Variants in ZNF638 observed in about 807,000 individuals in gnomAD.
ZNF638 encodes CTCL tumor antigen se33-1.
A neutral mutation model predicts 195.6 loss-of-function variants in ZNF638; 46 were observed. The observed-to-expected ratio is 0.24, with a 90% CI of 0.19 to 0.30. The LOEUF (loss-of-function observed/expected upper bound fraction) is 0.30. ZNF638 is among the 10% of genes least tolerant of loss of function. The probability of loss-of-function intolerance (pLI) is 1.00; values close to 1 mark genes in which losing one functional copy is unlikely to be tolerated. For missense variants in ZNF638, 2,440 were observed against 2,325.3 expected (o/e 1.05, Z -1.01); for synonymous variants, 845 against 772.0 (o/e 1.09, Z -1.57).
At chr2:71,377,562 T>C (rs1275904464) in intron 8 of ZNF638, among the ~76,000 whole-genome samples, 3 of 152,238 alleles carry the variant, frequency 2.0e-5, no homozygotes, top group African/African-American at 7.2e-5. Flanking sequence ...AGGTTTTCAT[T>C]TTAATTCTGA....
rs1281086469 is a variant in ZNF638 at position 71,333,283 on chromosome 2, A to G, written c.-203+1408A>G. On this transcript the variant is annotated intron_variant, in intron 1 of 27. Coordinates refer to ENST00000264447, the MANE Select transcript of ZNF638 (RefSeq NM_014497.5). Reference sequence around the variant, plus strand: ...TAATTACAGGGCGTCCCAGCATGTTATACATTAAAATATGCTGGGCCATTC... The same window carrying G: ...TAATTACAGGGCGTCCCAGCATGTTGTACATTAAAATATGCTGGGCCATTC... 2.6e-5 allele frequency among the ~76,000 whole-genome samples: 4 copies of G among 152,214 alleles called. No individual in the cohort carries two copies. The South Asian group carries it at 8.3e-4, about 31-fold the overall frequency.
At chr2:71,343,377 A>G (rs1427785141) in intron 1 of ZNF638, among the ~76,000 whole-genome samples, 1 of 152,200 alleles carries the variant, frequency 6.6e-6, no homozygotes, top group Non-Finnish European at 1.5e-5. Flanking sequence ...AGGGTCTGTT[A>G]GGATGTATCT....
At chr2:71,368,980 C>T (rs2079255596) in intron 7 of ZNF638, among the ~76,000 whole-genome samples, 3 of 152,230 alleles carry the variant, frequency 2.0e-5, no homozygotes, top group African/African-American at 7.2e-5. Context: ...GGTTATATTC[C>T]TATAACTCAC....
At chr2:71,388,453 T>G (rs2079694139) in intron 10 of ZNF638, 6 of 687,606 alleles carry the variant, frequency 8.7e-6, no homozygotes, top group Non-Finnish European at 1.3e-5. Context: ...ACCCACAGAT[T>G]GTGTTGGCTC....
At chr2:71,419,788 T>A (rs1054183652) in intron 21 of ZNF638, among the ~76,000 whole-genome samples, 1 of 152,158 alleles carries the variant, frequency 6.6e-6, no homozygotes, top group Non-Finnish European at 1.5e-5. Context: ...TACAAAGATT[T>A]TTTGAGGTCT....
At chr2:71,338,132 C>G (rs2078702816) in intron 1 of ZNF638, among the ~76,000 whole-genome samples, 1 of 152,074 alleles carries the variant, frequency 6.6e-6, no homozygotes, top group African/African-American at 2.4e-5. Flanking sequence ...TGCTTGTTTC[C>G]CCCCACTCCC....
At chr2:71,395,308 C>G (rs2079870716) in intron 10 of ZNF638, 1 of 716,978 alleles carries the variant, frequency 1.4e-6, no homozygotes, top group South Asian at 1.5e-5. Context: ...CTGTGCACAT[C>G]TGTACTCTTC....
Position 71,349,630 on chromosome 2 carries a change from G to A in ZNF638, c.676G>A (p.Val226Ile). The change falls in exon 2 of 28, where the codon GTA (valine) becomes ATA (isoleucine). Residue 226 changes from valine (V) to isoleucine (I), a missense_variant. Val to Ile is a conservative substitution (Grantham distance 29). This residue lies in a region of ZNF638 where 305 missense variants were observed against 283.6 expected (regional missense o/e 1.08). Coordinates refer to ENST00000264447, the MANE Select transcript of ZNF638 (RefSeq NM_014497.5). ...TGGCTACACAGAAGATCCACTTGAAGTACGTATTTATGATCCTGAAATTCC... is the reference window on the plus strand; with the variant it reads ...TGGCTACACAGAAGATCCACTTGAAATACGTATTTATGATCCTGAAATTCC... ...KYGYTEDPLE[V>I]RIYDPEIPTD... 2 of 1,614,242 alleles carry A rather than the reference G, an allele frequency of 1.2e-6. No homozygotes were observed. The highest frequency in any genetic ancestry group is 1.7e-6 in the Non-Finnish European group (2 of 1,180,042).
chr2:71,374,555 A>G (rs77937307), intron 8 of ZNF638, among the ~76,000 whole-genome samples: 1 of 152,200 alleles, frequency 6.6e-6, no homozygotes, highest in Non-Finnish European at 1.5e-5. Flanking sequence ...CTTAAAAAAA[A>G]CTTACTGGAA....
At chr2:71,332,421 G>C (rs2078588534) in intron 1 of ZNF638, among the ~76,000 whole-genome samples, 1 of 152,198 alleles carries the variant, frequency 6.6e-6, no homozygotes, top group Admixed American at 6.5e-5. Flanking sequence ...TTGGGGAGGG[G>C]GTGTCGGGAT....
chr2:71,381,468 T>C (rs960552067), intron 10 of ZNF638, among the ~76,000 whole-genome samples: 2 of 152,048 alleles, frequency 1.3e-5, no homozygotes, highest in Non-Finnish European at 2.9e-5. Flanking sequence ...ATTAAGATTT[T>C]AAATTAGGTA....
intron 1 of ZNF638, among the ~76,000 whole-genome samples, chr2:71,337,324 T>C (rs2078687478): frequency 6.6e-6 from 1 of 152,210 alleles, no homozygotes; most frequent in African/African-American, 2.4e-5. Flanking sequence ...ATTGTGGTCC[T>C]TTATCTCTAA....
At chr2:71,344,607 C>CA (rs2078821052) in intron 1 of ZNF638, among the ~76,000 whole-genome samples, 1 of 152,132 alleles carries the variant, frequency 6.6e-6, no homozygotes, top group Non-Finnish European at 1.5e-5. Context: ...AAAACTTTCT[C>CA]AAAATTTCTT....
Position 71,349,006 on chromosome 2 carries a change from C to T in ZNF638, c.52C>T (p.Arg18Ter), listed in dbSNP as rs774616770. Residue 18 changes from arginine (R) to a stop codon, truncating the protein, a stop_gained, in exon 2 of 28, where the codon CGA becomes TGA. Transcript: ENST00000264447. LOFTEE classifies it high-confidence loss of function. ...AGGAGACTTTCCACTTCAAAGGCCA[C>T]GAGCACCTAACCCTTCTGGGATGAG... is the stretch of plus-strand genomic sequence containing the variant. The part of the protein sequence containing the change: ...PRGDFPLQRP[R>*]APNPSGMRPP... 3.1e-6 allele frequency: 5 copies of T among 1,614,030 alleles called. No homozygotes were observed. The African/African-American group carries it at 5.3e-5, about 17-fold the overall frequency.
At chr2:71,403,436 C>T (rs1374002479) in intron 16 of ZNF638, among the ~76,000 whole-genome samples, 3 of 152,084 alleles carry the variant, frequency 2.0e-5, no homozygotes, top group Admixed American at 6.5e-5. Context: ...TGAAAAATGA[C>T]TTCACAATTG....
chr2:71,394,948 G>T (rs1237682293), intron 10 of ZNF638, among the ~76,000 whole-genome samples: 6 of 152,188 alleles, frequency 3.9e-5, no homozygotes, highest in African/African-American at 1.4e-4. Context: ...CAATTAAACT[G>T]TGACTGGGAG....
chr2:71,429,250 G>A (rs1018696936), intron 25 of ZNF638, among the ~76,000 whole-genome samples: 10 of 152,112 alleles, frequency 6.6e-5, no homozygotes, highest in African/African-American at 2.4e-4. Flanking sequence ...CATTCTCTTT[G>A]TAGCACCCTC....
At chr2:71,393,347 T>A (rs1258668841) in intron 10 of ZNF638, 1 of 709,670 alleles carries the variant, frequency 1.4e-6, no homozygotes, top group Non-Finnish European at 2.6e-6. Context: ...TCCAAATGAA[T>A]TGCTAACGTG....
At chr2:71,410,927 A>C (rs2080201691) in intron 20 of ZNF638, among the ~76,000 whole-genome samples, 2 of 130,350 alleles carry the variant, frequency 1.5e-5, no homozygotes, top group South Asian at 2.6e-4. Context: ...TTGGTTTGGG[A>C]CTCATTTCCT....
Sources: gnomAD v4.1 joint callset for allele counts (sites outside exome capture counted in the v4.1 genomes callset) on GRCh38, gnomAD v4.1.1 for gene constraint, gnomAD v4.1.1 regional missense constraint, MANE v1.5 for transcripts, NCBI Gene and HGNC (gene_info 2026-07-23, HGNC 2026-07-21) for gene names.